Variants in RICTOR observed in about 807,000 individuals in gnomAD.
The protein encoded by RICTOR is RPTOR independent companion of MTOR complex 2.
RICTOR carries 49 observed loss-of-function variants against 214.9 expected under a neutral mutation model. The ratio of observed to expected loss-of-function variants is 0.23; its 90% confidence interval spans 0.18 to 0.29. RICTOR has a LOEUF of 0.29. RICTOR is among the 10% of genes least tolerant of loss of function. RICTOR has a pLI of 1.00. For synonymous variants in RICTOR, 717 were observed against 711.3 expected (o/e 1.01, Z -0.13); for missense variants, 1,625 against 2,047.0 (o/e 0.79, Z 3.98).
Position 39,074,128 on chromosome 5 carries a change from G to T in RICTOR, c.80C>A (p.Pro27Gln), listed in dbSNP as rs759003707. 2.5e-6 allele frequency: 4 copies of T among 1,584,284 alleles called. No individual in the cohort carries two copies. Among genetic ancestry groups the T allele is most frequent in the Non-Finnish European group, 2.6e-6 (3 of 1,167,508 alleles). ...CGCGTTACCTCGGGTCAGATCCAGC[G>T]GGACGTTCTCCTCGCCGCTGTCATT... ...GRNDSGEENV[P>Q]LDLTREPSDN... Residue 27 changes from proline (P) to glutamine (Q), a missense_variant, in exon 2 of 38, where the codon CCG becomes CAG. Transcript: ENST00000357387.
intron 2 of RICTOR, among the ~76,000 whole-genome samples, chr5:39,035,247 C>A (rs1756587776): frequency 1.3e-5 from 2 of 152,202 alleles, no homozygotes; most frequent in Non-Finnish European, 2.9e-5. Context: ...TCCAACAGAC[C>A]TGCAGCTGAG....
intron 28 of RICTOR, 30 bp from the exon 29 acceptor site, chr5:38,953,121 TATAAGAGTC>T: frequency 7.2e-7 from 1 of 1,393,548 alleles, no homozygotes; most frequent in Non-Finnish European, 1.0e-6. Context: ...TTACATCAAA[TATAAGAGTC>T]ACTCTTTCAA....
intron 6 of RICTOR, among the ~76,000 whole-genome samples, chr5:38,993,576 A>T (rs1272350183): frequency 6.6e-6 from 1 of 152,164 alleles, no homozygotes; most frequent in Non-Finnish European, 1.5e-5. Flanking sequence ...TTAATTATTC[A>T]TAGTGTAAGT....
chr5:39,073,665 C>T (rs1230346290), intron 2 of RICTOR, among the ~76,000 whole-genome samples: 1 of 152,180 alleles, frequency 6.6e-6, no homozygotes, highest in Non-Finnish European at 1.5e-5. Flanking sequence ...CGAGCAGGTC[C>T]GGCTTCTGCT....
chr5:39,071,429 T>C (rs1298153676), intron 2 of RICTOR, among the ~76,000 whole-genome samples: 1 of 152,222 alleles, frequency 6.6e-6, no homozygotes, highest in African/African-American at 2.4e-5. Flanking sequence ...GTATTTTTAA[T>C]GTGAGTTTTA....
intron 10 of RICTOR, among the ~76,000 whole-genome samples, chr5:38,974,102 T>C (rs1231154601): frequency 6.6e-6 from 1 of 151,514 alleles, no homozygotes; most frequent in East Asian, 1.9e-4. Context: ...CAGGCTGGAG[T>C]GTAGTGGTGC....
At chr5:38,949,660 A>G (rs1748535787) in intron 31 of RICTOR, 52 bp downstream of exon 31, 1 of 1,482,668 alleles carries the variant, frequency 6.7e-7, no homozygotes. Context: ...TTGTATTTAA[A>G]TTTGTTAAAA....
chr5:38,945,189 A>C (rs1211504486), intron 34 of RICTOR, 121 bp from the exon 35 acceptor site: 1 of 747,392 alleles, frequency 1.3e-6, no homozygotes, highest in African/African-American at 1.8e-5. Context: ...GCAATATACC[A>C]AACACTTCCA....
intron 7 of RICTOR, among the ~76,000 whole-genome samples, chr5:38,988,491 T>A (rs1337161797): frequency 3.9e-5 from 6 of 152,188 alleles, no homozygotes; most frequent in Non-Finnish European, 7.4e-5. Flanking sequence ...TAAAGTCTGT[T>A]TTATCAGAGA....
At chr5:38,996,383 G>T (rs1001194412) in intron 6 of RICTOR, among the ~76,000 whole-genome samples, 1 of 152,116 alleles carries the variant, frequency 6.6e-6, no homozygotes, top group African/African-American at 2.4e-5. Flanking sequence ...ATTGTTTATT[G>T]CAACTGCCCA....
intron 7 of RICTOR, among the ~76,000 whole-genome samples, chr5:38,990,688 TATATGATATATATCAG>T (rs1752616827): frequency 2.7e-5 from 2 of 74,516 alleles, no homozygotes; most frequent in African/African-American, 9.6e-5. Flanking sequence ...ATATATCATA[TATATGATATATATCAG>T]ATATGATATA....
At position 38,945,544 on chromosome 5, in the gene RICTOR, T is replaced by C; in HGVS notation, c.4580A>G (p.Glu1527Gly). ...DDNCLYCVCI[E>G]ILGFQPSNQL... ...GTTGCTGGGCTGGAAACCCAGAATT[T>C]CAATACAGACACAATAAAGGCAGTT... is the stretch of plus-strand genomic sequence containing the variant. Residue 1527 changes from glutamate (E) to glycine (G), a missense_variant, in exon 34 of 38, where the codon GAA becomes GGA. Coordinates refer to ENST00000357387, the MANE Select transcript of RICTOR (RefSeq NM_152756.5). 2 of 1,614,138 alleles carry C rather than the reference T, an allele frequency of 1.2e-6. No individual in the cohort carries two copies. Among genetic ancestry groups the C allele is most frequent in the Non-Finnish European group, 1.7e-6 (2 of 1,179,970 alleles).
Position 38,992,120 on chromosome 5 carries a change from A to C in RICTOR, c.457-1045T>G, listed in dbSNP as rs1295405335. 9.2e-5 allele frequency among the ~76,000 whole-genome samples: 14 copies of C among 152,296 alleles called. No individual in the cohort carries two copies. In the South Asian group the frequency reaches 2.5e-3, roughly 27 times the overall value. On this transcript the variant is annotated intron_variant, in intron 6 of 37. Transcript: ENST00000357387. ...GTCATTTAAACAGCATTTTTAAGACATATTACAAAGTTCACCTGAAATTAC... is the reference window on the plus strand; with the variant it reads ...GTCATTTAAACAGCATTTTTAAGACCTATTACAAAGTTCACCTGAAATTAC...
intron 19 of RICTOR, 104 bp from the exon 20 acceptor site, chr5:38,960,637 G>A (rs901522469): frequency 3.3e-6 from 4 of 1,200,246 alleles, no homozygotes; most frequent in Non-Finnish European, 4.8e-6. Flanking sequence ...TATGTTTTGG[G>A]TCTGAACCAT....
intron 15 of RICTOR, among the ~76,000 whole-genome samples, chr5:38,966,392 T>G (rs1237973495): frequency 6.6e-6 from 1 of 152,256 alleles, no homozygotes; most frequent in Non-Finnish European, 1.5e-5. Flanking sequence ...AACATTTCAG[T>G]ACTTTGCATG....
rs1446544466 is a variant in RICTOR at position 39,074,363 on chromosome 5, G to T, written c.15C>A (p.Gly5=). The T allele has an allele frequency of 1.3e-6, 2 of 1,537,856 alleles. No homozygotes were observed. Among genetic ancestry groups the T allele is most frequent in the African/African-American group, 1.4e-5 (1 of 71,544 alleles). The change falls in exon 1 of 38, where the codon GGC becomes GGA. Residue 5 remains glycine (G), a synonymous_variant. Coordinates refer to ENST00000357387, the MANE Select transcript of RICTOR (RefSeq NM_152756.5). Reference sequence around the variant, plus strand: ...GGAGGTTCTTCAGAGAGCGGCCGCGGCCGATCGCCGCCATATTGACGGGTT... The same window carrying T: ...GGAGGTTCTTCAGAGAGCGGCCGCGTCCGATCGCCGCCATATTGACGGGTT... MAAI[G]RGRSLKNLRV...
At position 38,966,732 on chromosome 5, in the gene RICTOR, A is replaced by G. The variant is rs1750258794; in HGVS notation, c.1219-11T>C. The G allele has an allele frequency of 6.9e-7, 1 of 1,440,364 alleles. No individual in the cohort carries two copies. Among genetic ancestry groups the G allele is most frequent in the Non-Finnish European group, 9.7e-7 (1 of 1,035,850 alleles). The allele number at this position is 1,440,364 out of a possible 1,614,324, so 89.2% of individuals were successfully genotyped here. A position where few individuals can be genotyped will look rare whatever the true frequency, so the allele number is the denominator to read the frequency against. On this transcript the variant is annotated splice_polypyrimidine_tract_variant and intron_variant, in intron 14 of 37. Coordinates refer to ENST00000357387, the MANE Select transcript of RICTOR (RefSeq NM_152756.5). Reference sequence around the variant, plus strand: ...CACTTCAACTAGACCCTTTGAAAATAAAAAGATAACACCACTGTTGCAAAA... The same window carrying G: ...CACTTCAACTAGACCCTTTGAAAATGAAAAGATAACACCACTGTTGCAAAA...
intron 9 of RICTOR, 22 bp from the exon 10 acceptor site, chr5:38,975,626 C>T (rs775214485): frequency 6.3e-6 from 10 of 1,587,862 alleles, no homozygotes; most frequent in East Asian, 4.5e-5. Flanking sequence ...GGGGAGGCAG[C>T]GGGGAGAATC....
At chr5:38,979,891 G>A (rs889344163) in intron 8 of RICTOR, among the ~76,000 whole-genome samples, 15 of 152,104 alleles carry the variant, frequency 9.9e-5, no homozygotes, top group Middle Eastern at 3.2e-3. Context: ...CTGCAATTAC[G>A]TTTTATCCCT....
Sources: allele counts gnomAD v4.1 joint callset (sites outside exome capture counted in the v4.1 genomes callset), GRCh38; gene constraint gnomAD v4.1.1; transcripts MANE v1.5; gene names NCBI Gene and HGNC (gene_info 2026-07-23, HGNC 2026-07-21).